Variants in ZNF521 observed in about 807,000 individuals in gnomAD.
ZNF521 encodes the protein zinc finger protein 521.
Under a neutral mutation model 105.5 loss-of-function variants are expected in ZNF521, and 14 were observed. The observed-to-expected ratio is 0.13, with a 90% CI of 0.09 to 0.21. The LOEUF is 0.21. ZNF521 is among the 10% of genes least tolerant of loss of function. ZNF521 has a pLI of 1.00. For synonymous variants in ZNF521, 635 were observed against 606.0 expected, an observed-to-expected ratio of 1.05 and a Z score of -0.70; for missense variants, 1,233 against 1,629.7, an observed-to-expected ratio of 0.76 and a Z score of 4.19.
intron 7 of ZNF521, among the ~76,000 whole-genome samples, chr18:25,066,353 G>A (rs937930951): frequency 2.0e-5 from 3 of 152,136 alleles, no homozygotes; most frequent in Admixed American, 6.5e-5. Context: ...TTGAGGATCC[G>A]GGGGATGTGT....
In ZNF521 at chr18:25,110,434, C is replaced by A. The variant is rs141374963; in HGVS notation, c.3659-18353G>T. On this transcript the variant is annotated intron_variant, in intron 5 of 7. Coordinates refer to ENST00000361524, the MANE Select transcript of ZNF521 (RefSeq NM_015461.3). ...TGTTGTTGACTGAATGAATGGAAGG[C>A]AGGAGACCAAAAAAGAAAGAAAAAG... Among the ~76,000 whole-genome samples the A allele has an allele frequency of 4.8e-3, 581 of 121,038 alleles. 5 individuals carry two copies. Among genetic ancestry groups the A allele is most frequent in the African/African-American group, 0.014 (479 of 34,102 alleles). 79.4% of individuals were successfully genotyped at this position (121,038 alleles called of 152,430 possible). A position where few individuals can be genotyped will look rare whatever the true frequency, so the allele number is the denominator to read the frequency against.
chr18:25,151,539 G>A (rs538196339), intron 5 of ZNF521, among the ~76,000 whole-genome samples: 1 of 152,306 alleles, frequency 6.6e-6, no homozygotes, highest in East Asian at 1.9e-4. Context: ...GCAGAACTTT[G>A]AAGACTGGAC....
intron 5 of ZNF521, among the ~76,000 whole-genome samples, chr18:25,175,036 G>T (rs1962231138): frequency 6.6e-6 from 1 of 152,194 alleles, no homozygotes; most frequent in South Asian, 2.1e-4. Flanking sequence ...TCCTGTCAAT[G>T]AACTAGAAGA....
intron 3 of ZNF521, among the ~76,000 whole-genome samples, chr18:25,263,735 C>T (rs1909070486): frequency 6.6e-6 from 1 of 152,068 alleles, no homozygotes. Context: ...ACTGCCATGC[C>T]CAGTTAATCG....
At chr18:25,073,038 GA>G (rs1183549726) in intron 7 of ZNF521, among the ~76,000 whole-genome samples, 1 of 152,008 alleles carries the variant, frequency 6.6e-6, no homozygotes, top group African/African-American at 2.4e-5. Flanking sequence ...TTGGAAGGAA[GA>G]AAAAAGAAGG....
chr18:25,257,045 G>T (rs1229912222), intron 3 of ZNF521, among the ~76,000 whole-genome samples: 1 of 152,106 alleles, frequency 6.6e-6, no homozygotes, highest in African/African-American at 2.4e-5. Context: ...AGCAGGAAAT[G>T]AGGCTAGATG....
intron 1 of ZNF521, chr18:25,351,302 A>T (rs1486578872): frequency 6.6e-6 from 1 of 151,426 alleles, no homozygotes; most frequent in East Asian, 1.9e-4. Context: ...ACAATGTTTG[A>T]AGAGCCGTCA....
intron 3 of ZNF521, among the ~76,000 whole-genome samples, chr18:25,288,072 C>T (rs896496172): frequency 2.6e-5 from 4 of 151,646 alleles, no homozygotes; most frequent in Non-Finnish European, 5.9e-5. Context: ...GAGTTGTAAA[C>T]CTGATAGGTG....
chr18:25,301,864 C>A (rs544167489), intron 3 of ZNF521: 1 of 152,250 alleles, frequency 6.6e-6, no homozygotes, highest in South Asian at 2.1e-4. Flanking sequence ...GGTACCAACC[C>A]CCTAATAAGC....
chr18:25,206,034 C>T (rs1033835713), intron 4 of ZNF521, among the ~76,000 whole-genome samples: 5 of 151,932 alleles, frequency 3.3e-5, no homozygotes, highest in South Asian at 4.2e-4. Context: ...GACAGAGTCT[C>T]GCTCTGTCAC....
At chr18:25,256,504 A>T (rs1193405591) in intron 3 of ZNF521, among the ~76,000 whole-genome samples, 6 of 152,168 alleles carry the variant, frequency 3.9e-5, no homozygotes, top group African/African-American at 1.4e-4. Flanking sequence ...TGACGATTCC[A>T]AGGAGAGAGC....
chr18:25,142,469 T>C (rs2034867523), intron 5 of ZNF521, among the ~76,000 whole-genome samples: 1 of 152,206 alleles, frequency 6.6e-6, no homozygotes, highest in Non-Finnish European at 1.5e-5. Flanking sequence ...TGGCCTTCAA[T>C]GGAATGACAG....
At chr18:25,208,834 C>A (rs1007301450) in intron 4 of ZNF521, among the ~76,000 whole-genome samples, 1 of 152,166 alleles carries the variant, frequency 6.6e-6, no homozygotes, top group Non-Finnish European at 1.5e-5. Flanking sequence ...ACATGCCACA[C>A]ACCACTGAAC....
At chr18:25,252,794 C>T (rs912934701) in intron 3 of ZNF521, among the ~76,000 whole-genome samples, 2 of 152,100 alleles carry the variant, frequency 1.3e-5, no homozygotes, top group Non-Finnish European at 2.9e-5. Flanking sequence ...CATAGCGCAT[C>T]CATAATGTGC....
chr18:25,164,516 A>G (rs1372383244), intron 5 of ZNF521, among the ~76,000 whole-genome samples: 1 of 152,234 alleles, frequency 6.6e-6, no homozygotes, highest in Non-Finnish European at 1.5e-5. Context: ...AGGAAGATCA[A>G]AGTAGTCCTG....
chr18:25,157,216 A>G (rs761727312), intron 5 of ZNF521, among the ~76,000 whole-genome samples: 1 of 152,070 alleles, frequency 6.6e-6, no homozygotes, highest in Non-Finnish European at 1.5e-5. Context: ...AAAATAAAAA[A>G]AAGCAAATAA....
rs1470605907 is a variant in ZNF521 at position 25,116,078 on chromosome 18, T to C, written c.3659-23997A>G. Among the ~76,000 whole-genome samples, 4 of 152,126 alleles carry C rather than the reference T, an allele frequency of 2.6e-5. No homozygotes were observed. In the East Asian group the frequency reaches 5.8e-4, roughly 22 times the overall value. The stretch of plus-strand genomic sequence containing the variant: ...AGTGACCAGGGTGGCTCAAGAACAA[T>C]GGGTGACTGAAGCGATCTGTTGTGA... On this transcript the variant is annotated intron_variant, in intron 5 of 7. Transcript: ENST00000361524.
At chr18:25,319,030 G>C (rs920719756) in intron 3 of ZNF521, among the ~76,000 whole-genome samples, 1 of 151,966 alleles carries the variant, frequency 6.6e-6, no homozygotes, top group East Asian at 1.9e-4. Flanking sequence ...GATGATTCTG[G>C]AGCATCTATT....
rs759243243 is a variant in ZNF521, at chr18:25,225,629, G to A, written c.2289C>T (p.Asn763=). The change falls in exon 4 of 8, where the codon AAC becomes AAT. Residue 763 remains asparagine (N), a synonymous_variant. Transcript: ENST00000361524. This position sits in a 1 kb window ranked among gnomAD's most constrained non-coding sequence, Gnocchi z 5.6. ...TCACATGGAGCTGCAAGTCAGTTTC[G>A]TTGCGGAAGTCCCAGTTGCAAGATG... ...RCTSCNWDFR[N]ETDLQLHVKH... The A allele has an allele frequency of 5.4e-5, 87 of 1,614,126 alleles. 1 individual carries two copies. The South Asian group carries it at 6.6e-4, about 12-fold the overall frequency.
Sources: allele counts gnomAD v4.1 joint callset (sites outside exome capture counted in the v4.1 genomes callset), GRCh38; gene constraint gnomAD v4.1.1; non-coding constraint Gnocchi (gnomAD v3.1); transcripts MANE v1.5; gene names NCBI Gene and HGNC (gene_info 2026-07-23, HGNC 2026-07-21).